Variants in SAMMSON observed in about 807,000 individuals in gnomAD.
The protein encoded by SAMMSON is long intergenic non-protein coding RNA 1212.
chr3:70,325,375 T>A (rs1394272428), intron 7 of SAMMSON, among the ~76,000 whole-genome samples: 1 of 152,176 alleles, frequency 6.6e-6, no homozygotes, highest in Non-Finnish European at 1.5e-5. Context: ...CCATGCGGGC[T>A]GTGAGTGTCT....
chr3:70,233,006 T>C (rs1189940562), intron 4 of SAMMSON, among the ~76,000 whole-genome samples: 5 of 152,258 alleles, frequency 3.3e-5, no homozygotes, highest in Middle Eastern at 3.4e-3. Flanking sequence ...CTGGTTATCA[T>C]GGTGAAATAC....
In SAMMSON at chr3:70,276,949, T is replaced by G. The variant is rs73836214; in HGVS notation, n.675-14230T>G. On this transcript the variant is annotated intron_variant and non_coding_transcript_variant, in intron 6 of 9. Transcript: ENST00000642114. ...AATCCTCACATTAATAAAGTGAACA[T>G]GTCTTGGTTTTTCACTGGATTTTTT... Among the ~76,000 whole-genome samples the G allele has an allele frequency of 4.6e-3, 697 of 152,298 alleles. 7 individuals carry two copies. Among genetic ancestry groups the G allele is most frequent in the African/African-American group, 0.016 (658 of 41,564 alleles).
chr3:70,336,118 C>G (rs1251324850), intron 7 of SAMMSON, among the ~76,000 whole-genome samples: 4 of 151,978 alleles, frequency 2.6e-5, no homozygotes, highest in Admixed American at 6.6e-5. Flanking sequence ...AAATAGCACT[C>G]AGCACCCAGA....
chr3:70,397,322 T>A (rs1003257421), intron 2 of SAMMSON, among the ~76,000 whole-genome samples: 7 of 152,124 alleles, frequency 4.6e-5, no homozygotes, highest in Non-Finnish European at 8.8e-5. Context: ...TTTGTTTTTT[T>A]GGGACGGGGT....
intron 9 of SAMMSON, among the ~76,000 whole-genome samples, chr3:70,365,119 C>T (rs1702910936): frequency 6.6e-6 from 1 of 151,664 alleles, no homozygotes; most frequent in Non-Finnish European, 1.5e-5. Flanking sequence ...ACTGCAATAT[C>T]ATACAGAATA....
intron 1 of SAMMSON, among the ~76,000 whole-genome samples, chr3:70,007,676 T>G (rs2066934025): frequency 6.6e-6 from 1 of 152,164 alleles, no homozygotes; most frequent in Admixed American, 6.5e-5. Flanking sequence ...CAATTTTGGC[T>G]TTTGTTGCCA....
intron 2 of SAMMSON, among the ~76,000 whole-genome samples, chr3:70,434,362 C>A (rs1010372041): frequency 1.3e-5 from 2 of 151,998 alleles, no homozygotes; most frequent in Non-Finnish European, 1.5e-5. Context: ...AGATTTATAT[C>A]TAAGTATTTA....
chr3:70,423,201 C>T (rs748033247), intron 2 of SAMMSON, among the ~76,000 whole-genome samples: 3 of 152,100 alleles, frequency 2.0e-5, no homozygotes, highest in Admixed American at 6.6e-5. Context: ...TAAACTGATA[C>T]TTACATGTTA....
intron 4 of SAMMSON, among the ~76,000 whole-genome samples, chr3:70,216,113 A>G (rs1361407971): frequency 3.3e-5 from 5 of 151,790 alleles, no homozygotes; most frequent in African/African-American, 9.7e-5. Context: ...AATATCTGGT[A>G]TATGTGGAAT....
Position 70,232,190 on chromosome 3 carries a change from C to G in SAMMSON, n.508-16917C>G, listed in dbSNP as rs79411655. Among the ~76,000 whole-genome samples the G allele has an allele frequency of 2.8e-4, 43 of 152,286 alleles. 1 individual carries two copies. The East Asian group carries it at 8.1e-3, about 29-fold the overall frequency. Reference sequence around the variant, plus strand: ...CACACTTGGAAGAATAAATATTGATCTGCTCTGTGAGGGTGTGCACCATGT... The same window carrying G: ...CACACTTGGAAGAATAAATATTGATGTGCTCTGTGAGGGTGTGCACCATGT... On this transcript the variant is annotated intron_variant and non_coding_transcript_variant, in intron 4 of 9. Coordinates refer to ENST00000642114, the Ensembl canonical transcript of SAMMSON.
chr3:70,376,141 A>G (rs540199409), intron 9 of SAMMSON, among the ~76,000 whole-genome samples: 1 of 152,326 alleles, frequency 6.6e-6, no homozygotes, highest in Non-Finnish European at 1.5e-5. Flanking sequence ...ACATATTGTA[A>G]GATGAGACAA....
chr3:70,364,402 T>A (rs983970873), intron 9 of SAMMSON, among the ~76,000 whole-genome samples: 2 of 151,996 alleles, frequency 1.3e-5, no homozygotes, highest in Non-Finnish European at 2.9e-5. Context: ...ATATTGTAGA[T>A]GCTGCTCAAC....
At chr3:70,061,446 G>A (rs535454541) in intron 3 of SAMMSON, among the ~76,000 whole-genome samples, 30 of 152,200 alleles carry the variant, frequency 2.0e-4, no homozygotes, top group Admixed American at 9.2e-4. Flanking sequence ...CATACACATC[G>A]AGAGACTGCA....
intron 1 of SAMMSON, among the ~76,000 whole-genome samples, chr3:70,009,537 T>C (rs923696618): frequency 4.6e-5 from 7 of 152,204 alleles, no homozygotes; most frequent in African/African-American, 1.7e-4. Flanking sequence ...TTTTCTTCTT[T>C]ATTAGTCTTT....
chr3:70,176,709 T>C (rs1473844661), intron 4 of SAMMSON, among the ~76,000 whole-genome samples: 1 of 152,200 alleles, frequency 6.6e-6, no homozygotes, highest in African/African-American at 2.4e-5. Flanking sequence ...ATTTGTATAC[T>C]AAAAAGATAA....
chr3:70,344,020 A>G (rs933685129), intron 7 of SAMMSON, among the ~76,000 whole-genome samples: 9 of 151,872 alleles, frequency 5.9e-5, no homozygotes, highest in Non-Finnish European at 1.0e-4. Flanking sequence ...ACAGACCTCC[A>G]TTACTGGGGG....
intron 6 of SAMMSON, among the ~76,000 whole-genome samples, chr3:70,269,379 T>C (rs1701953334): frequency 6.6e-6 from 1 of 152,208 alleles, no homozygotes; most frequent in Non-Finnish European, 1.5e-5. Flanking sequence ...ATAGACACCC[T>C]GTAACCTACT....
intron 4 of SAMMSON, among the ~76,000 whole-genome samples, chr3:70,101,412 C>T (rs2067345491): frequency 6.6e-6 from 1 of 151,664 alleles, no homozygotes; most frequent in Admixed American, 6.6e-5. Context: ...AAAAAACGTA[C>T]AAGAATTGCA....
At chr3:70,283,719 T>C (rs913205184) in intron 6 of SAMMSON, 1 of 151,412 alleles carries the variant, frequency 6.6e-6, no homozygotes, top group Non-Finnish European at 1.5e-5. Flanking sequence ...CAAGTTAGAA[T>C]CTTGATTTCA....
Sources: gnomAD v4.1 joint callset for allele counts (sites outside exome capture counted in the v4.1 genomes callset) on GRCh38, gnomAD v4.1.1 for gene constraint, MANE v1.5 for transcripts, NCBI Gene and HGNC (gene_info 2026-07-23, HGNC 2026-07-21) for gene names.